The following MACROD2 variants were observed in gnomAD, a reference collection of about 807,000 sequenced individuals.
The protein encoded by MACROD2 is ADP-ribose glycohydrolase MACROD2.
MACROD2 carries 36 observed loss-of-function variants against 70.4 expected under a neutral mutation model. The observed-to-expected ratio is 0.51, with a 90% CI of 0.39 to 0.68. The LOEUF (loss-of-function observed/expected upper bound fraction) is 0.68, where lower values mean the gene tolerates loss of function less well. Among genes scored for constraint, MACROD2 ranks in the 30% least tolerant of loss-of-function variants. The pLI is 0.00. For synonymous variants in MACROD2, 172 were observed against 178.8 expected, an observed-to-expected ratio of 0.96 and a Z score of 0.30; for missense variants, 496 against 538.4, an observed-to-expected ratio of 0.92 and a Z score of 0.78.
intron 6 of MACROD2, among the ~76,000 whole-genome samples, chr20:15,292,162 C>T (rs957583655): frequency 1.3e-5 from 2 of 152,140 alleles, no homozygotes; most frequent in African/African-American, 4.8e-5. Context: ...AGGTGTGAGC[C>T]ACCATCCCTG....
At chr20:15,990,107 C>A (rs544250942) in intron 15 of MACROD2, among the ~76,000 whole-genome samples, 1 of 152,208 alleles carries the variant, frequency 6.6e-6, no homozygotes, top group East Asian at 1.9e-4. Context: ...ACAAAAATTT[C>A]AACAGGCAGA....
At chr20:14,037,791 G>A (rs924401446) in intron 2 of MACROD2, among the ~76,000 whole-genome samples, 3 of 152,042 alleles carry the variant, frequency 2.0e-5, no homozygotes, top group Non-Finnish European at 4.4e-5. Flanking sequence ...GGCTGAGGCG[G>A]GTGGATGGTT....
intron 4 of MACROD2, among the ~76,000 whole-genome samples, chr20:14,589,513 A>G (rs1236761009): frequency 6.6e-6 from 1 of 152,112 alleles, no homozygotes; most frequent in Non-Finnish European, 1.5e-5. Context: ...CTTGTCTGTT[A>G]TACTATTATA....
chr20:14,891,618 A>G (rs2073761526), intron 5 of MACROD2, among the ~76,000 whole-genome samples: 1 of 152,128 alleles, frequency 6.6e-6, no homozygotes, highest in African/African-American at 2.4e-5. Context: ...CTGCCTTCTT[A>G]TATACAAGCC....
chr20:15,871,365 T>C (rs1378716959), intron 9 of MACROD2, among the ~76,000 whole-genome samples: 1 of 152,160 alleles, frequency 6.6e-6, no homozygotes, highest in Non-Finnish European at 1.5e-5. Flanking sequence ...TTATGTCTTC[T>C]GCATCCTCCC....
chr20:14,096,753 T>G (rs1003042984), intron 3 of MACROD2, among the ~76,000 whole-genome samples: 1 of 152,202 alleles, frequency 6.6e-6, no homozygotes, highest in Non-Finnish European at 1.5e-5. Context: ...AAGAACATAC[T>G]TGGTCCCTTA....
intron 2 of MACROD2, among the ~76,000 whole-genome samples, chr20:14,050,966 A>G (rs1220531994): frequency 6.6e-6 from 1 of 152,226 alleles, no homozygotes; most frequent in Non-Finnish European, 1.5e-5. Flanking sequence ...GACGTAACTA[A>G]GTACAATACC....
intron 3 of MACROD2, among the ~76,000 whole-genome samples, chr20:14,210,290 A>G (rs1049922491): frequency 1.3e-5 from 2 of 152,206 alleles, no homozygotes; most frequent in Non-Finnish European, 2.9e-5. Context: ...ACTAGAGAAA[A>G]TACCAGGAAG....
chr20:14,501,327 G>A (rs957903848), intron 4 of MACROD2, among the ~76,000 whole-genome samples: 1 of 151,796 alleles, frequency 6.6e-6, no homozygotes. Flanking sequence ...CCATATTGAG[G>A]GTATTTAACC....
intron 5 of MACROD2, among the ~76,000 whole-genome samples, chr20:14,709,503 C>T (rs540082901): frequency 6.6e-6 from 1 of 152,232 alleles, no homozygotes; most frequent in Non-Finnish European, 1.5e-5. Context: ...CCTGATCCAA[C>T]ATATATGTAT....
chr20:14,539,720 TAACTC>T (rs1303515312), intron 4 of MACROD2, among the ~76,000 whole-genome samples: 2 of 152,268 alleles, frequency 1.3e-5, no homozygotes, highest in African/African-American at 2.4e-5. Flanking sequence ...TAAGCACTGA[TAACTC>T]AAAGATAATG....
intron 7 of MACROD2, among the ~76,000 whole-genome samples, chr20:15,447,548 G>T (rs2046585428): frequency 6.6e-6 from 1 of 152,242 alleles, no homozygotes; most frequent in African/African-American, 2.4e-5. Flanking sequence ...GGGCTGCCAT[G>T]GCCACTTCTC....
At chr20:14,164,003 A>T (rs1483206505) in intron 3 of MACROD2, among the ~76,000 whole-genome samples, 3 of 150,306 alleles carry the variant, frequency 2.0e-5, no homozygotes, top group Non-Finnish European at 4.4e-5. Context: ...GAGGTGGCAT[A>T]TTTCCTTCTT....
intron 5 of MACROD2, among the ~76,000 whole-genome samples, chr20:15,128,996 G>A (rs1440127101): frequency 2.0e-5 from 3 of 151,834 alleles, no homozygotes; most frequent in Admixed American, 2.0e-4. Flanking sequence ...TTGGAAGAGT[G>A]GAGAATATAT....
intron 3 of MACROD2, among the ~76,000 whole-genome samples, chr20:14,479,273 T>C (rs975387127): frequency 6.6e-6 from 1 of 152,118 alleles, no homozygotes; most frequent in African/African-American, 2.4e-5. Flanking sequence ...GGTCCGTAGA[T>C]CATCCTGGCA....
At chr20:14,181,603 G>A (rs2081306175) in intron 3 of MACROD2, among the ~76,000 whole-genome samples, 1 of 150,172 alleles carries the variant, frequency 6.7e-6, no homozygotes, top group Non-Finnish European at 1.5e-5. Context: ...TTTTTCCCCA[G>A]AAGGAAATCC....
intron 7 of MACROD2, among the ~76,000 whole-genome samples, chr20:15,470,834 G>A (rs1381510595): frequency 6.6e-6 from 1 of 152,110 alleles, no homozygotes; most frequent in Non-Finnish European, 1.5e-5. Context: ...CTGCATCACT[G>A]TGATTCTGAA....
intron 3 of MACROD2, among the ~76,000 whole-genome samples, chr20:14,489,524 T>C (rs962198972): frequency 2.0e-5 from 3 of 152,282 alleles, no homozygotes; most frequent in South Asian, 4.1e-4. Context: ...GTGAATGAAA[T>C]TGGTGTTTTA....
At chr20:15,413,042 A>C (rs1457119861) in intron 6 of MACROD2, among the ~76,000 whole-genome samples, 1 of 152,254 alleles carries the variant, frequency 6.6e-6, no homozygotes, top group Non-Finnish European at 1.5e-5. Flanking sequence ...AAGATCCATT[A>C]GTATTAAAAA....
Sources: gnomAD v4.1 joint callset for allele counts (sites outside exome capture counted in the v4.1 genomes callset) on GRCh38, gnomAD v4.1.1 for gene constraint, MANE v1.5 for transcripts, NCBI Gene and HGNC (gene_info 2026-07-23, HGNC 2026-07-21) for gene names.